The following NOBOX variants were observed in gnomAD, a reference collection of about 807,000 sequenced individuals.
NOBOX encodes NOBOX oogenesis homeobox, also known as homeobox protein NOBOX.
NOBOX carries 46 observed loss-of-function variants against 60.2 expected under a neutral mutation model. That is an observed-to-expected ratio of 0.76 (90% CI 0.60 to 0.98). The LOEUF (loss-of-function observed/expected upper bound fraction) is 0.98, where lower values mean the gene tolerates loss of function less well. Ranked by LOEUF, NOBOX falls within the 50% of genes least tolerant of loss-of-function variation. The pLI, the probability that NOBOX is intolerant of heterozygous loss-of-function variation, is 0.00. For synonymous variants in NOBOX, 360 were observed against 346.3 expected (o/e 1.04, Z -0.44); for missense variants, 880 against 865.5 (o/e 1.02, Z -0.21).
intron 4 of NOBOX, among the ~76,000 whole-genome samples, chr7:144,400,561 G>A (rs1325239176): frequency 6.6e-6 from 1 of 151,942 alleles, no homozygotes. Context: ...TTTTTTAGAC[G>A]GAGTCTCACT....
intron 2 of NOBOX, chr7:144,404,546 C>G (rs756193964): frequency 1.2e-5 from 19 of 1,611,886 alleles, no homozygotes; most frequent in Non-Finnish European, 1.6e-5. Context: ...ACAGCGCTCG[C>G]CCCCCGTACT....
chr7:144,405,497 T>G (rs1587097039), intron 1 of NOBOX, among the ~76,000 whole-genome samples: 2 of 152,170 alleles, frequency 1.3e-5, no homozygotes, highest in East Asian at 3.9e-4. Flanking sequence ...CAGGAACCCC[T>G]TCTGGACTAG....
At chr7:144,406,455 G>T (rs888807398) in intron 1 of NOBOX, among the ~76,000 whole-genome samples, 1 of 152,160 alleles carries the variant, frequency 6.6e-6, no homozygotes, top group African/African-American at 2.4e-5. Context: ...CTACTTGGGA[G>T]GCTGAGGCAG....
chr7:144,398,891 C>T (rs2053914522), intron 8 of NOBOX, 59 bp downstream of exon 6: 1 of 930,060 alleles, frequency 1.1e-6, no homozygotes, highest in South Asian at 1.5e-5. Flanking sequence ...TTCTCTCCAT[C>T]TACACCCCCC....
intron 1 of NOBOX, among the ~76,000 whole-genome samples, chr7:144,406,822 G>T (rs1208173): frequency 0.61 from 91,981 of 151,924 alleles, 28,261 homozygotes; most frequent in South Asian, 0.83. Context: ...GTTAAAATAC[G>T]GGCTAGAGCA....
chr7:144,408,463 A>G (rs1339652151), intron 1 of NOBOX, among the ~76,000 whole-genome samples: 1 of 152,186 alleles, frequency 6.6e-6, no homozygotes, highest in African/African-American at 2.4e-5. Flanking sequence ...TTAGATGGTA[A>G]CATGCATCTA....
In NOBOX at chr7:144,401,113, G is replaced by A; in HGVS notation, c.777C>T (p.Asp259=). 5.1e-6 allele frequency: 8 copies of A among 1,559,462 alleles called. No homozygotes were observed. Among genetic ancestry groups the A allele is most frequent in the Non-Finnish European group, 6.9e-6 (8 of 1,154,556 alleles). Residue 259 remains aspartate (D), a synonymous_variant, in exon 4 of 10, where the codon GAC becomes GAT. Transcript: ENST00000467773. The surrounding 1 kb of genome is among the most constrained non-coding windows in gnomAD (Gnocchi z 4.2). ...TCACTTCCGGGGGCCCCTGCTTGTG[G>A]TCTCTGTTTTGGTTGCTCTGCGCCA...
chr7:144,404,764 G>A (rs2053974317), intron 1 of NOBOX: 1 of 1,535,322 alleles, frequency 6.5e-7, no homozygotes, highest in African/African-American at 1.4e-5. Context: ...ACTTTCTTGG[G>A]GGAGATCTCA....
At chr7:144,402,178 C>T (rs953936657) in intron 2 of NOBOX, among the ~76,000 whole-genome samples, 2 of 145,866 alleles carry the variant, frequency 1.4e-5, no homozygotes, top group African/African-American at 5.1e-5. Flanking sequence ...GCCCCCCCGC[C>T]CGCACCCCCC....
At chr7:144,406,300 G>C (rs999111501) in intron 1 of NOBOX, among the ~76,000 whole-genome samples, 1 of 152,204 alleles carries the variant, frequency 6.6e-6, no homozygotes, top group Admixed American at 6.5e-5. Context: ...GCTCATGCCT[G>C]TAATCCCAGC....
At position 144,404,065 on chromosome 7, in the gene NOBOX, G is replaced by A. The variant is rs79123318; in HGVS notation, c.210+491C>T. 9.7e-4 allele frequency among the ~76,000 whole-genome samples: 147 copies of A among 152,242 alleles called. 4 individuals carry two copies. In the East Asian group the frequency reaches 0.024, roughly 25 times the overall value. Reference sequence around the variant, plus strand: ...GGTCTTCGGGGGGCTGGGCCCAGCCGTGGGGCTCACCCACACCCTATGGAG... The same window carrying A: ...GGTCTTCGGGGGGCTGGGCCCAGCCATGGGGCTCACCCACACCCTATGGAG... On this transcript the variant is annotated intron_variant, in intron 2 of 9. Coordinates refer to ENST00000467773, the MANE Select transcript of NOBOX (RefSeq NM_001080413.3).
intron 1 of NOBOX, among the ~76,000 whole-genome samples, chr7:144,405,531 G>A (rs1281649985): frequency 2.6e-5 from 4 of 152,274 alleles, no homozygotes; most frequent in Non-Finnish European, 4.4e-5. Context: ...TGGAGAAGGT[G>A]ACACGTGGGC....
Position 144,401,032 on chromosome 7 carries a change from C to G in NOBOX, c.844+14G>C. On this transcript the variant is annotated intron_variant, in intron 4 of 9. Transcript: ENST00000467773. This position sits in a 1 kb window ranked among gnomAD's most constrained non-coding sequence, Gnocchi z 4.2. ...ACCCCAGATCTCTTCGGTTTCCTCT[C>G]TTTAGGGACTTACCTGAGCGGTATA... 2 of 1,501,796 alleles carry G rather than the reference C, an allele frequency of 1.3e-6. No individual in the cohort carries two copies. The highest frequency in any genetic ancestry group is 1.8e-6 in the Non-Finnish European group (2 of 1,126,512). 93.0% of individuals were successfully genotyped at this position (1,501,796 alleles called of 1,614,324 possible). A position where few individuals can be genotyped will look rare whatever the true frequency, so the allele number is the denominator to read the frequency against.
chr7:144,409,865 C>T (rs536369133), intron 1 of NOBOX, among the ~76,000 whole-genome samples: 10 of 152,236 alleles, frequency 6.6e-5, no homozygotes, highest in African/African-American at 1.9e-4. Context: ...AGAAGGGGTC[C>T]GGGATTCTAA....
rs1397037740 is a variant in NOBOX at position 144,398,950 on chromosome 7, C to T, written c.1469G>A (p.Ser490Asn). 1.3e-6 allele frequency: 2 copies of T among 1,541,920 alleles called. No homozygotes were observed. Among genetic ancestry groups the T allele is most frequent in the South Asian group, 1.2e-5 (1 of 84,158 alleles). Residue 490 changes from serine to asparagine, a missense_variant and splice_region_variant, in exon 8 of 10, where the codon AGC becomes AAC. Transcript: ENST00000467773. Reference sequence around the variant, plus strand: ...TGACCTACCCCCGTAGGTTCCTTACCTTGTCCCCCAGGACCCACAGGGGCC... The same window carrying T: ...TGACCTACCCCCGTAGGTTCCTTACTTTGTCCCCCAGGACCCACAGGGGCC...
chr7:144,397,036 C>T (rs1247558483), downstream of NOBOX, among the ~76,000 whole-genome samples: 2 of 152,202 alleles, frequency 1.3e-5, no homozygotes, highest in Non-Finnish European at 2.9e-5. Context: ...TTCAGGACCC[C>T]CACACAGAGT....
chr7:144,401,576 G>A lies in NOBOX; in HGVS notation c.314C>T (p.Pro105Leu). The A allele has an allele frequency of 1.3e-6, 2 of 1,507,814 alleles. No homozygotes were observed. The highest frequency in any genetic ancestry group is 1.8e-6 in the Non-Finnish European group (2 of 1,135,278). 93.4% of individuals were successfully genotyped at this position (1,507,814 alleles called of 1,614,324 possible). Residue 105 changes from proline (P) to leucine (L), a missense_variant, in exon 4 of 10, where the codon CCC becomes CTC. Physicochemically the swap from Pro to Leu is moderately conservative, Grantham distance 98. Transcript: ENST00000467773. The surrounding 1 kb of genome is among the most constrained non-coding windows in gnomAD (Gnocchi z 4.2). ...CTCCTCCCCGGGTCCTGCAGCCAGG[G>A]GCTTCTCTCCAGCTTTCTGGCCTGT...
At chr7:144,400,617 A>G (rs1275405939) in intron 4 of NOBOX, among the ~76,000 whole-genome samples, 1 of 152,162 alleles carries the variant, frequency 6.6e-6, no homozygotes, top group Non-Finnish European at 1.5e-5. Flanking sequence ...AGCTCATTGC[A>G]ACCTCTGCCT....
chr7:144,398,915 A>T, intron 8 of NOBOX, 35 bp downstream of exon 6: 1 of 1,212,506 alleles, frequency 8.2e-7, no homozygotes, highest in Non-Finnish European at 1.2e-6. Flanking sequence ...CCCCACCCAG[A>T]TAACTAGAGT....
Sources: gnomAD v4.1 joint callset for allele counts (sites outside exome capture counted in the v4.1 genomes callset) on GRCh38, gnomAD v4.1.1 for gene constraint, Gnocchi (gnomAD v3.1) non-coding constraint, MANE v1.5 for transcripts, NCBI Gene and HGNC (gene_info 2026-07-23, HGNC 2026-07-21) for gene names.